CSMD1: variants seen among roughly 807,000 people sequenced by gnomAD.
CSMD1 encodes CUB and sushi domain-containing protein 1.
CSMD1 carries 213 observed loss-of-function variants against 417.5 expected under a neutral mutation model. The ratio of observed to expected loss-of-function variants is 0.51; its 90% CI spans 0.46 to 0.57. The LOEUF is 0.57. CSMD1 is among the 20% of genes least tolerant of loss of function. The probability of loss-of-function intolerance (pLI) is 0.00; values close to 1 mark genes in which losing one functional copy is unlikely to be tolerated. For missense variants in CSMD1, 6,923 were observed against 4,529.7 expected (o/e 1.53, Z -15.17); for synonymous variants, 2,862 against 1,736.8 (o/e 1.65, Z -16.11).
chr8:3,651,849 G>A lies in CSMD1; in HGVS notation c.1010-35052C>T, dbSNP rs530608313. ...CACCACCATCAGAGCACCCACCATC[G>A]CACTTACCACCATGAGCACACTTAC... is the stretch of plus-strand genomic sequence containing the variant. On this transcript the variant is annotated intron_variant, in intron 7 of 69. Coordinates refer to ENST00000635120, the MANE Select transcript of CSMD1 (RefSeq NM_033225.6). 8.3e-4 allele frequency among the ~76,000 whole-genome samples: 100 copies of A among 120,080 alleles called. 3 individuals carry two copies. In the South Asian group the frequency reaches 0.025, roughly 30 times the overall value. 78.8% of individuals were successfully genotyped at this position (120,080 alleles called of 152,430 possible). A position where few individuals can be genotyped will look rare whatever the true frequency, so the allele number is the denominator to read the frequency against.
chr8:3,423,819 C>G (rs1813652191), intron 12 of CSMD1, among the ~76,000 whole-genome samples: 1 of 152,208 alleles, frequency 6.6e-6, no homozygotes, highest in South Asian at 2.1e-4. Context: ...CCTCAGCGAC[C>G]TTGTCTCTCC....
chr8:3,991,073 C>T (rs983424032), intron 5 of CSMD1, among the ~76,000 whole-genome samples: 14 of 152,220 alleles, frequency 9.2e-5, no homozygotes, highest in Non-Finnish European at 4.4e-5. Flanking sequence ...CCCAGAAATT[C>T]CTTCGCTGCC....
intron 3 of CSMD1, among the ~76,000 whole-genome samples, chr8:4,350,085 G>A (rs1411259603): frequency 3.9e-5 from 6 of 152,096 alleles, no homozygotes; most frequent in Non-Finnish European, 7.4e-5. Flanking sequence ...CCTGAAACAT[G>A]ACTTATGAGC....
Position 3,035,358 on chromosome 8 carries a change from G to C in CSMD1, c.7661-5845C>G, listed in dbSNP as rs184636703. Among the ~76,000 whole-genome samples, 414 of 152,268 alleles carry C rather than the reference G, an allele frequency of 2.7e-3. 1 individual carries two copies. Among genetic ancestry groups the C allele is most frequent in the African/African-American group, 9.6e-3 (398 of 41,562 alleles). On this transcript the variant is annotated intron_variant, in intron 50 of 69. Coordinates refer to ENST00000635120, the MANE Select transcript of CSMD1 (RefSeq NM_033225.6). ...ACAACGACACTGAGACAGAAAAGGA[G>C]GGTATCACTATTATTTGTATTTATT...
rs879667151 is a variant in CSMD1 at position 4,646,947 on chromosome 8, A to T, written c.86-9389T>A. ...AGTACACACATTTTTAAAAAGAGATATAAATGTCCAACACATTTTCTCTCT... is the reference window on the plus strand; with the variant it reads ...AGTACACACATTTTTAAAAAGAGATTTAAATGTCCAACACATTTTCTCTCT... On this transcript the variant is annotated intron_variant, in intron 1 of 69. Transcript: ENST00000635120. Among the ~76,000 whole-genome samples the T allele has an allele frequency of 2.6e-5, 4 of 152,224 alleles. No individual in the cohort carries two copies. In the East Asian group the frequency reaches 7.7e-4, roughly 29 times the overall value.
chr8:4,186,127 C>A (rs928424952), intron 3 of CSMD1, among the ~76,000 whole-genome samples: 1 of 152,102 alleles, frequency 6.6e-6, no homozygotes, highest in Non-Finnish European at 1.5e-5. Context: ...CTGTCACCAA[C>A]GATTTGGCAT....
chr8:3,884,142 A>G (rs2930338), intron 5 of CSMD1, among the ~76,000 whole-genome samples: 30,367 of 152,156 alleles, frequency 0.2, 3,300 homozygotes, highest in East Asian at 0.29. Context: ...TTTTATTCCT[A>G]AGAAAATATT....
intron 26 of CSMD1, among the ~76,000 whole-genome samples, chr8:3,281,191 C>G (rs570134720): frequency 6.6e-6 from 1 of 152,186 alleles, no homozygotes; most frequent in East Asian, 1.9e-4. Flanking sequence ...GCCTGTAATC[C>G]CAGCACTTTG....
chr8:4,881,393 C>G (rs1803386493), intron 1 of CSMD1, among the ~76,000 whole-genome samples: 1 of 151,724 alleles, frequency 6.6e-6, no homozygotes, highest in Non-Finnish European at 1.5e-5. Context: ...TATAGTTGAA[C>G]AAATATACCT....
intron 10 of CSMD1, among the ~76,000 whole-genome samples, chr8:3,514,924 C>A (rs780099990): frequency 6.6e-6 from 1 of 151,824 alleles, no homozygotes; most frequent in African/African-American, 2.4e-5. Flanking sequence ...TAAAGGCTGC[C>A]CAAGCAAATG....
intron 25 of CSMD1, among the ~76,000 whole-genome samples, chr8:3,295,593 A>C (rs553245800): frequency 6.6e-6 from 1 of 152,294 alleles, no homozygotes; most frequent in South Asian, 2.1e-4. Flanking sequence ...TGTATATTCC[A>C]CTGTACTGAT....
chr8:4,021,228 C>A (rs1350240353), intron 4 of CSMD1, among the ~76,000 whole-genome samples: 2 of 152,200 alleles, frequency 1.3e-5, no homozygotes, highest in Non-Finnish European at 2.9e-5. Context: ...AAACTAGCAT[C>A]TTTTGAAAAT....
intron 5 of CSMD1, among the ~76,000 whole-genome samples, chr8:3,879,546 C>G (rs1311506850): frequency 2.0e-5 from 3 of 152,154 alleles, no homozygotes; most frequent in Non-Finnish European, 4.4e-5. Flanking sequence ...CTACAGTCTA[C>G]TTTGTCATTC....
At chr8:3,988,998 G>A (rs927226355) in intron 5 of CSMD1, among the ~76,000 whole-genome samples, 2 of 152,154 alleles carry the variant, frequency 1.3e-5, no homozygotes, top group African/African-American at 2.4e-5. Flanking sequence ...CTAGATACAG[G>A]TAAAAACCAT....
intron 25 of CSMD1, among the ~76,000 whole-genome samples, chr8:3,307,264 C>T (rs1218071133): frequency 1.3e-5 from 2 of 152,044 alleles, no homozygotes; most frequent in Admixed American, 1.3e-4. Context: ...GACTAGCCTG[C>T]TGCAGGAACA....
At chr8:3,730,699 GT>G (rs1802794406) in intron 6 of CSMD1, among the ~76,000 whole-genome samples, 1 of 152,100 alleles carries the variant, frequency 6.6e-6, no homozygotes, top group Non-Finnish European at 1.5e-5. Flanking sequence ...AAGGCACCTT[GT>G]TTATTCCATT....
At chr8:2,939,767 A>G (rs992883135) in intron 69 of CSMD1, among the ~76,000 whole-genome samples, 2 of 152,232 alleles carry the variant, frequency 1.3e-5, no homozygotes, top group Non-Finnish European at 2.9e-5. Flanking sequence ...GCACTTTGTG[A>G]CTGCCCTTGG....
At chr8:3,698,510 G>A (rs1445919001) in intron 7 of CSMD1, among the ~76,000 whole-genome samples, 1 of 152,230 alleles carries the variant, frequency 6.6e-6, no homozygotes, top group Non-Finnish European at 1.5e-5. Flanking sequence ...CTTAGTGCTA[G>A]AAATCTGGCA....
chr8:3,342,531 CT>C (rs1461457323), intron 23 of CSMD1, among the ~76,000 whole-genome samples: 4 of 152,126 alleles, frequency 2.6e-5, no homozygotes, highest in African/African-American at 4.8e-5. Flanking sequence ...ATAGCTTTTT[CT>C]TTTACTTCAG....
Sources: allele counts gnomAD v4.1 joint callset (sites outside exome capture counted in the v4.1 genomes callset), GRCh38; gene constraint gnomAD v4.1.1; transcripts MANE v1.5; gene names NCBI Gene and HGNC (gene_info 2026-07-23, HGNC 2026-07-21).